The following SRGN variants were observed in gnomAD, a reference collection of about 807,000 sequenced individuals.
SRGN encodes the protein hematopoetic proteoglycan core peptide.
A neutral mutation model predicts 9.5 loss-of-function variants in SRGN; 2 were observed. The ratio of observed to expected loss-of-function variants is 0.21; its 90% CI spans 0.09 to 0.66. SRGN has a LOEUF of 0.66. Among genes scored for constraint, SRGN ranks in the 30% least tolerant of loss-of-function variants. SRGN has a pLI of 0.83. For synonymous variants in SRGN, 59 were observed against 72.3 expected, an observed-to-expected ratio of 0.82 and a Z score of 0.93; for missense variants, 170 against 192.4, an observed-to-expected ratio of 0.88 and a Z score of 0.69.
chr10:69,104,135 A>T lies in SRGN; in HGVS notation c.*15A>T, dbSNP rs184545484. 91 of 1,609,540 alleles carry T rather than the reference A, an allele frequency of 5.7e-5. No individual in the cohort carries two copies. The highest frequency in any genetic ancestry group is 9.4e-6 in the Non-Finnish European group (11 of 1,176,248). On this transcript the variant is annotated 3_prime_UTR_variant, in exon 3 of 3. Transcript: ENST00000242465. ...TTATGTTATAAAAGAGGATTTTCCCACCTTGACACCAGGCAATGTAGTTAG... is the reference window on the plus strand; with the variant it reads ...TTATGTTATAAAAGAGGATTTTCCCTCCTTGACACCAGGCAATGTAGTTAG...
intron 1 of SRGN, among the ~76,000 whole-genome samples, chr10:69,089,930 A>G (rs889754902): frequency 6.6e-6 from 1 of 152,134 alleles, no homozygotes; most frequent in Non-Finnish European, 1.5e-5. Flanking sequence ...AAAGAAAGGA[A>G]AGAAAGAAAG....
intron 2 of SRGN, among the ~76,000 whole-genome samples, chr10:69,101,409 C>G (rs1367518757): frequency 1.3e-5 from 2 of 152,216 alleles, no homozygotes; most frequent in Admixed American, 6.5e-5. Context: ...CTGGCTGTTG[C>G]AGCTTCCAAG....
At position 69,104,075 on chromosome 10, in the gene SRGN, C is replaced by G; in HGVS notation, c.432C>G (p.Ser144Arg). The G allele has an allele frequency of 1.2e-6, 2 of 1,614,118 alleles. No individual in the cohort carries two copies. The highest frequency in any genetic ancestry group is 1.7e-6 in the Non-Finnish European group (2 of 1,180,024). ...RSLDRNLPSDSQDLGQHGLEE... is the reference protein window; with the variant it reads ...RSLDRNLPSDRQDLGQHGLEE... ...TTGACAGGAATCTGCCCTCAGACAG[C>G]CAGGACTTGGGTCAACATGGATTAG... Residue 144 changes from serine to arginine, a missense_variant, in exon 3 of 3, where the codon AGC becomes AGG. Physicochemically the swap from Ser to Arg is moderately radical, Grantham distance 110 (BLOSUM62 -1). Transcript: ENST00000242465.
chr10:69,092,442 A>C (rs978566607), intron 1 of SRGN, among the ~76,000 whole-genome samples: 1 of 152,152 alleles, frequency 6.6e-6, no homozygotes, highest in Non-Finnish European at 1.5e-5. Flanking sequence ...AAAATTTTAA[A>C]ATAGCTTTGT....
At position 69,104,340 on chromosome 10, in the gene SRGN, G is replaced by A; in HGVS notation, c.*220G>A. The A allele has an allele frequency of 4.7e-6, 2 of 426,084 alleles. No individual in the cohort carries two copies. Among genetic ancestry groups the A allele is most frequent in the Non-Finnish European group, 7.6e-6 (2 of 262,682 alleles). The allele number at this position is 426,084 out of a possible 1,614,324, so 26.4% of individuals were successfully genotyped here. A position where few individuals can be genotyped will look rare whatever the true frequency, so the allele number is the denominator to read the frequency against. On this transcript the variant is annotated 3_prime_UTR_variant, in exon 3 of 3. Transcript: ENST00000242465. ...GTTCTTGAAAATACCTGCATTTTTT[G>A]GTATCATGTTCAACCAACATCATTA...
rs531462909 is a variant in SRGN at position 69,104,577 on chromosome 10, A to T, written c.*457A>T. ...TGAATTTGTAGAGTGGGGGTATTTGACATATTTTACAGGGTGGAGTGTACT... is the reference window on the plus strand; with the variant it reads ...TGAATTTGTAGAGTGGGGGTATTTGTCATATTTTACAGGGTGGAGTGTACT... On this transcript the variant is annotated 3_prime_UTR_variant, in exon 3 of 3. Transcript: ENST00000242465. The T allele has an allele frequency of 6.4e-6, 1 of 156,010 alleles. No individual in the cohort carries two copies. The highest frequency in any genetic ancestry group is 2.4e-5 in the African/African-American group (1 of 41,540). The allele number at this position is 156,010 out of a possible 1,614,324, so 9.7% of individuals were successfully genotyped here.
At chr10:69,101,576 C>T (rs923455774) in intron 2 of SRGN, among the ~76,000 whole-genome samples, 1 of 152,118 alleles carries the variant, frequency 6.6e-6, no homozygotes, top group Non-Finnish European at 1.5e-5. Flanking sequence ...TTTGACTCTG[C>T]GTCTTCTCCA....
intron 1 of SRGN, among the ~76,000 whole-genome samples, chr10:69,094,955 A>C (rs1270868627): frequency 1.3e-5 from 2 of 151,048 alleles, no homozygotes; most frequent in East Asian, 3.9e-4. Context: ...CCCGCCTCTC[A>C]CCCTCTCACT....
In SRGN at chr10:69,104,570, G is replaced by A. The variant is rs1840361733; in HGVS notation, c.*450G>A. On this transcript the variant is annotated 3_prime_UTR_variant, in exon 3 of 3. Coordinates refer to ENST00000242465, the MANE Select transcript of SRGN (RefSeq NM_002727.4). ...AACACAGTGAATTTGTAGAGTGGGGGTATTTGACATATTTTACAGGGTGGA... is the reference window on the plus strand; with the variant it reads ...AACACAGTGAATTTGTAGAGTGGGGATATTTGACATATTTTACAGGGTGGA... The A allele has an allele frequency of 1.3e-5, 2 of 155,500 alleles. No homozygotes were observed. Among genetic ancestry groups the A allele is most frequent in the Non-Finnish European group, 2.8e-5 (2 of 70,358 alleles). 9.6% of individuals were successfully genotyped at this position (155,500 alleles called of 1,614,324 possible).
At chr10:69,099,475 AT>A (rs1378014842) in intron 2 of SRGN, among the ~76,000 whole-genome samples, 8 of 151,056 alleles carry the variant, frequency 5.3e-5, no homozygotes, top group African/African-American at 9.7e-5. Context: ...AATTAAAAAA[AT>A]TTTTTTTTGT....
At chr10:69,103,435 C>T (rs12098831) in intron 2 of SRGN, among the ~76,000 whole-genome samples, 20 of 151,862 alleles carry the variant, frequency 1.3e-4, no homozygotes, top group South Asian at 6.2e-4. Context: ...CCCAGCTACT[C>T]GGGAGGCTGA....
intron 2 of SRGN, among the ~76,000 whole-genome samples, chr10:69,101,616 A>G (rs1840293408): frequency 6.6e-6 from 1 of 151,854 alleles, no homozygotes; most frequent in Non-Finnish European, 1.5e-5. Context: ...CCTCTTCACA[A>G]TAACACCTCC....
chr10:69,093,726 G>A (rs1840114543), intron 1 of SRGN, among the ~76,000 whole-genome samples: 1 of 152,098 alleles, frequency 6.6e-6, no homozygotes, highest in Non-Finnish European at 1.5e-5. Context: ...AATTAGCCGG[G>A]CATGGTGGCA....
At position 69,088,437 on chromosome 10, in the gene SRGN, C is replaced by T. The variant is rs893450303; in HGVS notation, c.79+201C>T. Among the ~76,000 whole-genome samples the T allele has an allele frequency of 9.2e-5, 14 of 152,238 alleles. 1 individual carries two copies. The highest frequency in any genetic ancestry group is 3.4e-4 in the African/African-American group (14 of 41,542). On this transcript the variant is annotated intron_variant, in intron 1 of 2. Coordinates refer to ENST00000242465, the MANE Select transcript of SRGN (RefSeq NM_002727.4). ...GAAAAATTAAACTCTGTGGCGTGTG[C>T]AGTCTTGTAAACTCTTACAATGATT...
At chr10:69,096,322 A>T (rs546779879) in intron 1 of SRGN, among the ~76,000 whole-genome samples, 3 of 152,324 alleles carry the variant, frequency 2.0e-5, no homozygotes, top group East Asian at 3.9e-4. Flanking sequence ...TAATAGTACA[A>T]AAGTAACAAC....
chr10:69,097,342 C>T (rs113222652), intron 2 of SRGN, 111 bp downstream of exon 2: 1 of 797,806 alleles, frequency 1.3e-6, no homozygotes, highest in Non-Finnish European at 1.9e-6. Context: ...CTCACTGCAA[C>T]CTCCGCCTCC....
chr10:69,099,433 G>A (rs544550616), intron 2 of SRGN, among the ~76,000 whole-genome samples: 2 of 151,308 alleles, frequency 1.3e-5, no homozygotes, highest in Admixed American at 6.6e-5. Flanking sequence ...CCCAAGTAGC[G>A]GGACCACAGG....
chr10:69,090,449 G>A (rs1278819404), intron 1 of SRGN, among the ~76,000 whole-genome samples: 1 of 152,132 alleles, frequency 6.6e-6, no homozygotes, highest in African/African-American at 2.4e-5. Flanking sequence ...CACAGTTCTG[G>A]AGATGGGAGT....
chr10:69,103,160 G>A (rs866349887), intron 2 of SRGN, among the ~76,000 whole-genome samples: 16 of 152,148 alleles, frequency 1.1e-4, no homozygotes, highest in South Asian at 8.3e-4. Flanking sequence ...GGCTGGTTTC[G>A]AACTCCTGAC....
Sources: gnomAD v4.1 joint callset for allele counts (sites outside exome capture counted in the v4.1 genomes callset) on GRCh38, gnomAD v4.1.1 for gene constraint, MANE v1.5 for transcripts, NCBI Gene and HGNC (gene_info 2026-07-23, HGNC 2026-07-21) for gene names.